TMEM266: variants seen among roughly 807,000 people sequenced by gnomAD.
The protein encoded by TMEM266 is Hv1 related protein 1.
A neutral mutation model predicts 50.5 loss-of-function variants in TMEM266; 33 were observed. That is an observed-to-expected ratio of 0.65 (90% CI 0.50 to 0.87). The LOEUF is 0.87. TMEM266 is among the 40% of genes least tolerant of loss of function. The pLI is 0.00. For missense variants in TMEM266, 655 were observed against 695.1 expected, an observed-to-expected ratio of 0.94 and a Z score of 0.65; for synonymous variants, 310 against 292.3, an observed-to-expected ratio of 1.06 and a Z score of -0.62.
At chr15:76,099,984 G>T (rs2036978444) in intron 1 of TMEM266, among the ~76,000 whole-genome samples, 1 of 152,146 alleles carries the variant, frequency 6.6e-6, no homozygotes, top group Non-Finnish European at 1.5e-5. Context: ...GATCTCATGA[G>T]AATTCATTCA....
intron 3 of TMEM266, among the ~76,000 whole-genome samples, chr15:76,151,738 C>T (rs2037847039): frequency 6.6e-6 from 1 of 152,186 alleles, no homozygotes; most frequent in Non-Finnish European, 1.5e-5. Context: ...CCGCCAGAAG[C>T]ATTTGTTCTC....
In TMEM266 at chr15:76,075,974, A is replaced by T. The variant is rs1440484215; in HGVS notation, c.-97+15958A>T. Among the ~76,000 whole-genome samples the T allele has an allele frequency of 2.1e-5, 3 of 144,640 alleles. No homozygotes were observed. In the East Asian group the frequency reaches 6.3e-4, roughly 30 times the overall value. The allele number at this position is 144,640 out of a possible 152,430, so 94.9% of individuals were successfully genotyped here. Reference sequence around the variant, plus strand: ...TTCCAGGACCAAGCAATCCTCCCTCAACCCCCCGAGTAGCTGGGACCACAG... The same window carrying T: ...TTCCAGGACCAAGCAATCCTCCCTCTACCCCCCGAGTAGCTGGGACCACAG... On this transcript the variant is annotated intron_variant, in intron 1 of 10. Transcript: ENST00000388942.
At position 76,161,175 on chromosome 15, in the gene TMEM266, C is replaced by T. The variant is rs982243111; in HGVS notation, c.456+1007C>T. Among the ~76,000 whole-genome samples the T allele has an allele frequency of 6.6e-6, 1 of 152,166 alleles. No homozygotes were observed. The highest frequency in any genetic ancestry group is 2.4e-5 in the African/African-American group (1 of 41,432). On this transcript the variant is annotated intron_variant, in intron 5 of 10. Transcript: ENST00000388942. This position sits in a 1 kb window ranked among gnomAD's most constrained non-coding sequence, Gnocchi z 4.1. ...CATCCCTGCTATGGGTACATATTAG[C>T]CCATGCAAAGTCCCGTGGGCCTTTC...
rs2037037470 is a variant in TMEM266, at chr15:76,103,673, A to T, written c.-96-30495A>T. ...ACACCTGTAATCCCAGCACTTTGGG[A>T]GGCCGAGGTGGGTGGATCACCTGAG... On this transcript the variant is annotated intron_variant, in intron 1 of 10. Coordinates refer to ENST00000388942, the MANE Select transcript of TMEM266 (RefSeq NM_152335.3). Among the ~76,000 whole-genome samples the T allele has an allele frequency of 2.0e-5, 3 of 152,282 alleles. No individual in the cohort carries two copies. The South Asian group carries it at 6.2e-4, about 32-fold the overall frequency.
intron 8 of TMEM266, among the ~76,000 whole-genome samples, chr15:76,191,043 A>G (rs760431061): frequency 7.9e-5 from 12 of 152,236 alleles, no homozygotes; most frequent in Admixed American, 4.6e-4. Flanking sequence ...GCGCGTGAAC[A>G]GCCATCTCAC....
intron 7 of TMEM266, among the ~76,000 whole-genome samples, chr15:76,171,776 C>T (rs993147167): frequency 1.3e-5 from 2 of 152,212 alleles, no homozygotes; most frequent in Non-Finnish European, 2.9e-5. Context: ...ATCATTGCCA[C>T]CCCACTGGGC....
chr15:76,159,425 C>A (rs537938582), intron 4 of TMEM266, among the ~76,000 whole-genome samples: 139 of 152,282 alleles, frequency 9.1e-4, no homozygotes, highest in African/African-American at 3.0e-3. Context: ...TGTCCTCACT[C>A]CCACTCCAGA....
chr15:76,204,639 T>G lies in TMEM266; in HGVS notation c.*324T>G. The G allele has an allele frequency of 9.8e-6, 2 of 204,924 alleles. No individual in the cohort carries two copies. Among genetic ancestry groups the G allele is most frequent in the East Asian group, 1.2e-4 (1 of 8,646 alleles). The allele number at this position is 204,924 out of a possible 1,614,324, so 12.7% of individuals were successfully genotyped here. On this transcript the variant is annotated 3_prime_UTR_variant, in exon 11 of 11. Coordinates refer to ENST00000388942, the MANE Select transcript of TMEM266 (RefSeq NM_152335.3). Reference sequence around the variant, plus strand: ...GGGGGGGCCAGCTCAGCCTCTTGCGTTGCCTTCGTTCCTGACGCCCACCCT... The same window carrying G: ...GGGGGGGCCAGCTCAGCCTCTTGCGGTGCCTTCGTTCCTGACGCCCACCCT...
chr15:76,130,232 AAAAAAAAAAAAAAAAAAAAAAAC>A (rs1047476550), intron 1 of TMEM266, among the ~76,000 whole-genome samples: 11 of 127,326 alleles, frequency 8.6e-5, no homozygotes, highest in African/African-American at 3.0e-4. Flanking sequence ...AAAAAAAAAA[AAAAAAAAAAAAAAAAAAAAAAAC>A]CGCCGGGTGC....
In TMEM266 at chr15:76,191,988, CGCGCACCTG is replaced by C. The variant is rs2038580264; in HGVS notation, c.795_803del (p.His265_Ala267del). On this transcript the variant is annotated inframe_deletion, in exon 9 of 11. Coordinates refer to ENST00000388942, the MANE Select transcript of TMEM266 (RefSeq NM_152335.3). ...CGCAGTTTGAGATCCGGCAGCTGCG[CGCGCACCTG>C]GCGCAGCAGGACCTGGACCTGGCTG... The C allele has an allele frequency of 6.3e-7, 1 of 1,583,628 alleles. No homozygotes were observed. The highest frequency in any genetic ancestry group is 1.4e-5 in the African/African-American group (1 of 71,564).
At chr15:76,166,780 G>A (rs2038103773) in intron 5 of TMEM266, among the ~76,000 whole-genome samples, 1 of 152,210 alleles carries the variant, frequency 6.6e-6, no homozygotes, top group Non-Finnish European at 1.5e-5. Flanking sequence ...AAAGTAGAAT[G>A]GGGAGAGGTA....
At chr15:76,090,878 A>C (rs1226879219) in intron 1 of TMEM266, among the ~76,000 whole-genome samples, 2 of 152,206 alleles carry the variant, frequency 1.3e-5, no homozygotes, top group African/African-American at 2.4e-5. Flanking sequence ...GTTAACAGTA[A>C]TCTATTGTAT....
At chr15:76,146,922 G>A (rs992273740) in intron 3 of TMEM266, among the ~76,000 whole-genome samples, 2 of 152,224 alleles carry the variant, frequency 1.3e-5, no homozygotes, top group African/African-American at 4.8e-5. Context: ...CCAGTACCGG[G>A]CCAGGGGCTT....
In TMEM266 at chr15:76,186,845, G is replaced by A. The variant is rs561990435; in HGVS notation, c.769-5123G>A. 5.3e-5 allele frequency among the ~76,000 whole-genome samples: 8 copies of A among 152,306 alleles called. No homozygotes were observed. The South Asian group carries it at 1.5e-3, about 28-fold the overall frequency. On this transcript the variant is annotated intron_variant, in intron 8 of 10. Coordinates refer to ENST00000388942, the MANE Select transcript of TMEM266 (RefSeq NM_152335.3). Reference sequence around the variant, plus strand: ...GTTTGGAGGATTCCAGTGGTTTCTTGTTGTTCTTTAAAACATCTTACTGTG... The same window carrying A: ...GTTTGGAGGATTCCAGTGGTTTCTTATTGTTCTTTAAAACATCTTACTGTG...
chr15:76,105,033 G>A (rs1404061837), intron 1 of TMEM266, among the ~76,000 whole-genome samples: 4 of 152,102 alleles, frequency 2.6e-5, no homozygotes, highest in African/African-American at 4.8e-5. Flanking sequence ...CCTTAAAATA[G>A]AATAGAGTTC....
intron 9 of TMEM266, among the ~76,000 whole-genome samples, chr15:76,199,301 C>G (rs1048461655): frequency 6.6e-6 from 1 of 152,164 alleles, no homozygotes; most frequent in Non-Finnish European, 1.5e-5. Context: ...CAGACCAGTC[C>G]GAAGCTCAGG....
At chr15:76,174,302 G>A (rs111384268) in intron 7 of TMEM266, among the ~76,000 whole-genome samples, 9,844 of 152,252 alleles carry the variant, frequency 0.065, 422 homozygotes, top group Non-Finnish European at 0.093. Flanking sequence ...TGTAATTCCA[G>A]CACTTTGGGA....
chr15:76,116,896 C>CTTTTTT (rs143849730), intron 1 of TMEM266, among the ~76,000 whole-genome samples: 17 of 131,686 alleles, frequency 1.3e-4, no homozygotes, highest in Middle Eastern at 4.0e-3. Flanking sequence ...AGCATATCTT[C>CTTTTTT]TTTTTTTTTT....
intron 1 of TMEM266, among the ~76,000 whole-genome samples, chr15:76,096,859 A>G (rs2036928171): frequency 6.6e-6 from 1 of 151,528 alleles, no homozygotes; most frequent in African/African-American, 2.4e-5. Flanking sequence ...ACCATTATGT[A>G]ATGCCCTTTT....
Sources: gnomAD v4.1 joint callset for allele counts (sites outside exome capture counted in the v4.1 genomes callset) on GRCh38, gnomAD v4.1.1 for gene constraint, Gnocchi (gnomAD v3.1) non-coding constraint, MANE v1.5 for transcripts, NCBI Gene and HGNC (gene_info 2026-07-23, HGNC 2026-07-21) for gene names.